Variants in ARIH1 observed in about 807,000 individuals in gnomAD.
The protein encoded by ARIH1 is ariadne RBR E3 ubiquitin protein ligase 1.
In ARIH1, 8 loss-of-function variants were observed where a neutral mutation model predicts 85.0. The observed-to-expected ratio is 0.09, with a 90% confidence interval of 0.06 to 0.17. ARIH1 has a LOEUF of 0.17. ARIH1 is among the 10% of genes least tolerant of loss of function. The pLI is 1.00. For missense variants in ARIH1, 311 were observed against 718.1 expected, an observed-to-expected ratio of 0.43 and a Z score of 6.48; for synonymous variants, 238 against 253.6, an observed-to-expected ratio of 0.94 and a Z score of 0.59.
chr15:72,543,737 A>G (rs1251659866), intron 2 of ARIH1, among the ~76,000 whole-genome samples: 1 of 152,142 alleles, frequency 6.6e-6, no homozygotes, highest in Non-Finnish European at 1.5e-5. Flanking sequence ...TCCTGTTTGT[A>G]TATAAAGAGC....
Position 72,602,117 on chromosome 15 carries a change from C to T in ARIH1, c.*18825C>T, listed in dbSNP as rs1308516225. The T allele has an allele frequency of 6.6e-6, 1 of 152,184 alleles. No homozygotes were observed. The highest frequency in any genetic ancestry group is 1.5e-5 in the Non-Finnish European group (1 of 68,036). The allele number at this position is 152,184 out of a possible 1,614,324, so 9.4% of individuals were successfully genotyped here. ...GGTTGGTTTTAGGCATTGGTTATTA[C>T]AAATAATGCTGCATTGAATACCTTT... On this transcript the variant is annotated 3_prime_UTR_variant, in exon 14 of 14. Transcript: ENST00000379887.
intron 1 of ARIH1, among the ~76,000 whole-genome samples, chr15:72,495,915 C>CA (rs2063878063): frequency 6.6e-6 from 1 of 151,962 alleles, no homozygotes; most frequent in African/African-American, 2.4e-5. Context: ...ATATATCTTA[C>CA]AATTTTTTTC....
intron 1 of ARIH1, among the ~76,000 whole-genome samples, chr15:72,477,355 G>T (rs367863933): frequency 5.3e-5 from 8 of 152,158 alleles, no homozygotes; most frequent in African/African-American, 1.9e-4. Flanking sequence ...TTTTAATGTT[G>T]GTTTGATAAA....
At chr15:72,475,349 G>GGCGGA (rs1385198073) in intron 1 of ARIH1, among the ~76,000 whole-genome samples, 1 of 152,252 alleles carries the variant, frequency 6.6e-6, no homozygotes, top group African/African-American at 2.4e-5. Context: ...ACTGGGGCGG[G>GGCGGA]GCGGAGGAGG....
At position 72,592,434 on chromosome 15, in the gene ARIH1, A is replaced by G. The variant is rs570870855; in HGVS notation, c.*9142A>G. 1.6e-4 allele frequency: 24 copies of G among 152,354 alleles called. No homozygotes were observed. In the East Asian group the frequency reaches 4.6e-3, roughly 29 times the overall value. The allele number at this position is 152,354 out of a possible 1,614,324, so 9.4% of individuals were successfully genotyped here. A position where few individuals can be genotyped will look rare whatever the true frequency, so the allele number is the denominator to read the frequency against. On this transcript the variant is annotated 3_prime_UTR_variant, in exon 14 of 14. Transcript: ENST00000379887. ...CTTTATTTTAAATTGATATATAGAA[A>G]TTAATATTACAAAATGCACACATCT... is the stretch of plus-strand genomic sequence containing the variant.
chr15:72,537,093 TTTGTTG>T (rs144724943), intron 2 of ARIH1, among the ~76,000 whole-genome samples: 228 of 151,254 alleles, frequency 1.5e-3, no homozygotes, highest in African/African-American at 4.5e-3. Context: ...AGTTCTCATT[TTTGTTG>T]TTGTTGTTGT....
chr15:72,597,834 T>C lies in ARIH1; in HGVS notation c.*14542T>C, dbSNP rs1412121064. ...GTTAAATTTCAGCAGGTTTCTCTTTTCTCCCCCCTGTAGTATTCCTCTTCC... is the reference window on the plus strand; with the variant it reads ...GTTAAATTTCAGCAGGTTTCTCTTTCCTCCCCCCTGTAGTATTCCTCTTCC... On this transcript the variant is annotated 3_prime_UTR_variant, in exon 14 of 14. Coordinates refer to ENST00000379887, the MANE Select transcript of ARIH1 (RefSeq NM_005744.5). 1 of 152,210 alleles carries C rather than the reference T, an allele frequency of 6.6e-6. No homozygotes were observed. Among genetic ancestry groups the C allele is most frequent in the Non-Finnish European group, 1.5e-5 (1 of 68,038 alleles). 9.4% of individuals were successfully genotyped at this position (152,210 alleles called of 1,614,324 possible). A position where few individuals can be genotyped will look rare whatever the true frequency, so the allele number is the denominator to read the frequency against.
chr15:72,535,096 C>A (rs922123734), intron 2 of ARIH1, among the ~76,000 whole-genome samples: 2 of 150,196 alleles, frequency 1.3e-5, no homozygotes, highest in Non-Finnish European at 3.0e-5. Context: ...GGACTACAGG[C>A]GCCCGCCACC....
chr15:72,569,704 A>G (rs2064235135), intron 9 of ARIH1, among the ~76,000 whole-genome samples: 1 of 152,244 alleles, frequency 6.6e-6, no homozygotes, highest in Non-Finnish European at 1.5e-5. Context: ...ACTAGAGAGT[A>G]TAGTATATTT....
chr15:72,544,775 T>G lies in ARIH1; in HGVS notation c.444-45T>G, dbSNP rs781271565. The G allele has an allele frequency of 1.9e-6, 3 of 1,560,914 alleles. No homozygotes were observed. The South Asian group carries it at 3.5e-5, about 18-fold the overall frequency. On this transcript the variant is annotated intron_variant, in intron 2 of 13. Transcript: ENST00000379887. ...TCAGGTTTTTGGAGAGCTCTAACAG[T>G]GTGCAAGTTGCTGGGCTCTTATCCT... is the stretch of plus-strand genomic sequence containing the variant.
rs960648670 is a variant in ARIH1 at position 72,567,294 on chromosome 15, T to C, written c.1026+117T>C. ...GGCTTTGTTTCATCTTTTTCTCCATTGAGTCTTTTTTTTTTTTTCCCAGAA... is the reference window on the plus strand; with the variant it reads ...GGCTTTGTTTCATCTTTTTCTCCATCGAGTCTTTTTTTTTTTTTCCCAGAA... On this transcript the variant is annotated intron_variant, in intron 9 of 13. Transcript: ENST00000379887. The C allele has an allele frequency of 8.0e-6, 6 of 746,452 alleles. No homozygotes were observed. The African/African-American group carries it at 9.2e-5, about 11-fold the overall frequency. 46.2% of individuals were successfully genotyped at this position (746,452 alleles called of 1,614,324 possible). A position where few individuals can be genotyped will look rare whatever the true frequency, so the allele number is the denominator to read the frequency against.
chr15:72,540,772 A>G (rs937760501), intron 2 of ARIH1, among the ~76,000 whole-genome samples: 21 of 152,290 alleles, frequency 1.4e-4, no homozygotes, highest in South Asian at 2.1e-4. Flanking sequence ...GCTGTATGCT[A>G]TTATTGCATA....
intron 3 of ARIH1, among the ~76,000 whole-genome samples, chr15:72,551,865 C>G (rs947937686): frequency 2.6e-5 from 4 of 151,994 alleles, no homozygotes; most frequent in African/African-American, 7.2e-5. Context: ...AGTGTAAAAC[C>G]TTTTTTGAAA....
intron 5 of ARIH1, among the ~76,000 whole-genome samples, chr15:72,557,805 G>C (rs2064181358): frequency 6.6e-6 from 1 of 152,062 alleles, no homozygotes; most frequent in South Asian, 2.1e-4. Flanking sequence ...TGTGTGTGTG[G>C]CTATTATCGA....
intron 2 of ARIH1, among the ~76,000 whole-genome samples, chr15:72,525,033 C>T (rs865950712): frequency 2.0e-5 from 3 of 152,098 alleles, no homozygotes; most frequent in African/African-American, 4.8e-5. Context: ...ACTACAGGTG[C>T]GTGCCACCAT....
chr15:72,517,234 T>C (rs73444749), intron 1 of ARIH1, among the ~76,000 whole-genome samples: 101 of 152,270 alleles, frequency 6.6e-4, no homozygotes, highest in African/African-American at 2.3e-3. Context: ...TTAAAAGTGA[T>C]TTGAACTCAT....
chr15:72,514,713 A>G (rs1462190678), intron 1 of ARIH1, among the ~76,000 whole-genome samples: 3 of 151,622 alleles, frequency 2.0e-5, no homozygotes, highest in Non-Finnish European at 4.4e-5. Flanking sequence ...TAAAAAAAAA[A>G]AGAGGATTTT....
At chr15:72,516,996 C>T (rs1341245831) in intron 1 of ARIH1, among the ~76,000 whole-genome samples, 3 of 152,092 alleles carry the variant, frequency 2.0e-5, no homozygotes, top group South Asian at 2.1e-4. Context: ...TCTTAGGCCC[C>T]GTTGCATTTT....
intron 2 of ARIH1, among the ~76,000 whole-genome samples, chr15:72,527,044 A>C (rs1336589218): frequency 6.6e-6 from 1 of 152,210 alleles, no homozygotes; most frequent in African/African-American, 2.4e-5. Flanking sequence ...TGATACTATC[A>C]TGATTTTTGT....
Sources: gnomAD v4.1 joint callset for allele counts (sites outside exome capture counted in the v4.1 genomes callset) on GRCh38, gnomAD v4.1.1 for gene constraint, MANE v1.5 for transcripts, NCBI Gene and HGNC (gene_info 2026-07-23, HGNC 2026-07-21) for gene names.